Variants in GRM1 observed in about 807,000 individuals in gnomAD.
The protein encoded by GRM1 is metabotropic glutamate receptor 1.
GRM1 carries 33 observed loss-of-function variants against 90.9 expected under a neutral mutation model. The ratio of observed to expected loss-of-function variants is 0.36; its 90% CI spans 0.28 to 0.49. GRM1 has a LOEUF of 0.49. Among genes scored for constraint, GRM1 ranks in the 20% least tolerant of loss-of-function variants. GRM1 has a pLI of 0.99. For missense variants in GRM1, 1,190 were observed against 1,534.3 expected (o/e 0.78, Z 3.75); for synonymous variants, 700 against 613.2 (o/e 1.14, Z -2.09).
At chr6:146,132,948 G>A (rs551214595) in intron 1 of GRM1, among the ~76,000 whole-genome samples, 1 of 152,204 alleles carries the variant, frequency 6.6e-6, no homozygotes, top group African/African-American at 2.4e-5. Flanking sequence ...ACAACAAAGA[G>A]ATCATATTGA....
chr6:146,386,557 C>A (rs966323353), intron 5 of GRM1, among the ~76,000 whole-genome samples: 9 of 151,800 alleles, frequency 5.9e-5, no homozygotes, highest in African/African-American at 7.3e-5. Flanking sequence ...TATACTTTTT[C>A]TTTTTTGAGA....
In GRM1 at chr6:146,350,074, C is replaced by A. The variant is rs362869; in HGVS notation, c.1187-2176C>A. On this transcript the variant is annotated intron_variant, in intron 3 of 7. Transcript: ENST00000282753. The stretch of plus-strand genomic sequence containing the variant: ...ACCCAAGTCATAAGTTCTATGATCA[C>A]CCTAAATGAGGATCAAAAGGAAAAG... Among the ~76,000 whole-genome samples the A allele has an allele frequency of 1.4e-3, 211 of 152,270 alleles. 4 individuals are homozygous for A. Among genetic ancestry groups the A allele is most frequent in the Admixed American group, 9.9e-3 (152 of 15,294 alleles).
intron 6 of GRM1, among the ~76,000 whole-genome samples, chr6:146,395,710 A>G (rs926107677): frequency 2.0e-5 from 3 of 152,182 alleles, no homozygotes; most frequent in African/African-American, 7.2e-5. Flanking sequence ...CAGTTTCTTT[A>G]ATTCAACTTC....
intron 3 of GRM1, among the ~76,000 whole-genome samples, chr6:146,323,769 T>C (rs1179084072): frequency 6.6e-6 from 1 of 152,238 alleles, no homozygotes; most frequent in Non-Finnish European, 1.5e-5. Flanking sequence ...AATTTTTGTA[T>C]AAAGTGTAAG....
intron 2 of GRM1, among the ~76,000 whole-genome samples, chr6:146,223,699 G>A (rs996179166): frequency 1.3e-4 from 19 of 151,960 alleles, no homozygotes; most frequent in African/African-American, 4.3e-4. Context: ...CACCTCTTTA[G>A]CATCAACGGA....
chr6:146,355,484 C>A (rs1361462164), intron 4 of GRM1, among the ~76,000 whole-genome samples: 1 of 152,144 alleles, frequency 6.6e-6, no homozygotes, highest in Non-Finnish European at 1.5e-5. Flanking sequence ...GTTTACCTGG[C>A]AAAGGAGAGC....
intron 3 of GRM1, among the ~76,000 whole-genome samples, chr6:146,330,334 G>A (rs1022652439): frequency 2.0e-5 from 3 of 152,286 alleles, no homozygotes; most frequent in East Asian, 1.9e-4. Context: ...AGTTTCCGGA[G>A]AGAATTGGTG....
At chr6:146,347,362 A>C (rs905635025) in intron 3 of GRM1, among the ~76,000 whole-genome samples, 23 of 152,182 alleles carry the variant, frequency 1.5e-4, no homozygotes, top group Admixed American at 1.5e-3. Flanking sequence ...TCCTGATTTT[A>C]GTGGGCCAGC....
intron 2 of GRM1, among the ~76,000 whole-genome samples, chr6:146,200,993 C>G (rs1210766152): frequency 6.6e-6 from 1 of 152,134 alleles, no homozygotes; most frequent in Non-Finnish European, 1.5e-5. Context: ...TTCCCCATGT[C>G]TCAGGGCAGA....
At chr6:146,384,453 A>C (rs992024236) in intron 5 of GRM1, among the ~76,000 whole-genome samples, 1 of 152,086 alleles carries the variant, frequency 6.6e-6, no homozygotes, top group East Asian at 1.9e-4. Flanking sequence ...ACTATTCTAG[A>C]CTTGCTCTAA....
At chr6:146,218,133 G>T (rs1779938216) in intron 2 of GRM1, among the ~76,000 whole-genome samples, 1 of 152,156 alleles carries the variant, frequency 6.6e-6, no homozygotes, top group African/African-American at 2.4e-5. Flanking sequence ...TGCTGAGCCT[G>T]ATCTCTTATC....
chr6:146,195,970 A>C (rs1442528630), intron 2 of GRM1, among the ~76,000 whole-genome samples: 1 of 152,212 alleles, frequency 6.6e-6, no homozygotes, highest in Non-Finnish European at 1.5e-5. Context: ...TTTGGCTGGG[A>C]CAGTCCAGGT....
chr6:146,276,497 C>A (rs1210879255), intron 2 of GRM1, among the ~76,000 whole-genome samples: 1 of 152,060 alleles, frequency 6.6e-6, no homozygotes, highest in Non-Finnish European at 1.5e-5. Context: ...AATTATTCCT[C>A]ATACATTTTA....
At chr6:146,323,317 G>A (rs1188938918) in intron 3 of GRM1, among the ~76,000 whole-genome samples, 1 of 152,180 alleles carries the variant, frequency 6.6e-6, no homozygotes, top group African/African-American at 2.4e-5. Context: ...TTGTGGTTTT[G>A]ATTTGCATTT....
intron 2 of GRM1, 44 bp downstream of exon 2, chr6:146,159,641 T>TCTCTCACACA (rs372590505): frequency 3.3e-5 from 24 of 728,736 alleles, no homozygotes; most frequent in Middle Eastern, 4.3e-4. Context: ...TCTCTCTCTC[T>TCTCTCACACA]CACACACACA....
At chr6:146,257,846 T>C (rs1226978216) in intron 2 of GRM1, among the ~76,000 whole-genome samples, 1 of 152,082 alleles carries the variant, frequency 6.6e-6, no homozygotes, top group African/African-American at 2.4e-5. Flanking sequence ...ATGCAAATTT[T>C]ATTGGGAAAC....
intron 2 of GRM1, among the ~76,000 whole-genome samples, chr6:146,234,903 G>T (rs191118467): frequency 6.1e-4 from 93 of 151,942 alleles, no homozygotes; most frequent in South Asian, 2.3e-3. Flanking sequence ...CCACCACGCC[G>T]GACTAATTTT....
intron 1 of GRM1, among the ~76,000 whole-genome samples, chr6:146,128,574 C>T (rs574805069): frequency 6.6e-6 from 1 of 152,012 alleles, no homozygotes; most frequent in South Asian, 2.1e-4. Context: ...TTTTCAGGAT[C>T]AAACAAGAAC....
chr6:146,357,389 A>T, intron 4 of GRM1, 137 bp from the exon 5 acceptor site: 1 of 709,942 alleles, frequency 1.4e-6, no homozygotes, highest in Non-Finnish European at 2.5e-6. Context: ...CATAAGAAAT[A>T]AGCTAAAATA....
Sources: gnomAD v4.1 joint callset for allele counts (sites outside exome capture counted in the v4.1 genomes callset) on GRCh38, gnomAD v4.1.1 for gene constraint, MANE v1.5 for transcripts, NCBI Gene and HGNC (gene_info 2026-07-23, HGNC 2026-07-21) for gene names.